The following GRIA4 variants were observed in gnomAD, a reference collection of about 807,000 sequenced individuals.
GRIA4 encodes the protein glutamate ionotropic receptor AMPA type subunit 4, also known as glutamate receptor 4.
Under a neutral mutation model 104.0 loss-of-function variants are expected in GRIA4, and 34 were observed. That is an observed-to-expected ratio of 0.33 (90% confidence interval 0.25 to 0.44). The LOEUF is 0.44. GRIA4 is among the 20% of genes least tolerant of loss of function. The pLI is 1.00. For synonymous variants in GRIA4, 386 were observed against 381.9 expected (o/e 1.01, Z -0.13); for missense variants, 750 against 1,096.5 (o/e 0.68, Z 4.46).
At chr11:105,616,853 T>C (rs983480939) in intron 3 of GRIA4, among the ~76,000 whole-genome samples, 1 of 151,722 alleles carries the variant, frequency 6.6e-6, no homozygotes, top group Non-Finnish European at 1.5e-5. Flanking sequence ...TGATTTCAGA[T>C]AATTCTTTAG....
At chr11:105,942,957 G>A (rs1469950447) in intron 14 of GRIA4, among the ~76,000 whole-genome samples, 1 of 152,070 alleles carries the variant, frequency 6.6e-6, no homozygotes, top group African/African-American at 2.4e-5. Context: ...CACATCTCCT[G>A]GACAGGAAAC....
chr11:105,742,937 A>G (rs1013340879), intron 3 of GRIA4, among the ~76,000 whole-genome samples: 2 of 151,954 alleles, frequency 1.3e-5, no homozygotes, highest in African/African-American at 4.8e-5. Flanking sequence ...GGGTTTCATC[A>G]TGTTGGCCAG....
chr11:105,957,389 T>C (rs1948618595), intron 14 of GRIA4, among the ~76,000 whole-genome samples: 1 of 152,234 alleles, frequency 6.6e-6, no homozygotes, highest in African/African-American at 2.4e-5. Context: ...ATTGCTTGTT[T>C]TTGTCAGGTT....
intron 4 of GRIA4, among the ~76,000 whole-genome samples, chr11:105,807,114 A>G (rs1189330291): frequency 6.6e-6 from 1 of 151,818 alleles, no homozygotes; most frequent in Admixed American, 6.6e-5. Flanking sequence ...GCTCAAAACA[A>G]CAAATGAGGG....
intron 3 of GRIA4, among the ~76,000 whole-genome samples, chr11:105,657,969 T>C (rs1951893208): frequency 6.6e-6 from 1 of 151,832 alleles, no homozygotes. Context: ...TTATATTTTA[T>C]TATACCTTTT....
chr11:105,942,035 A>G (rs1169413430), intron 14 of GRIA4, among the ~76,000 whole-genome samples: 1 of 152,116 alleles, frequency 6.6e-6, no homozygotes, highest in African/African-American at 2.4e-5. Flanking sequence ...AAGTATACCT[A>G]TTTTGCATTG....
chr11:105,626,096 A>C (rs1281157521), intron 3 of GRIA4, among the ~76,000 whole-genome samples: 1 of 152,138 alleles, frequency 6.6e-6, no homozygotes, highest in Non-Finnish European at 1.5e-5. Context: ...GGGCAGTTAC[A>C]TGTGGATTCT....
At chr11:105,635,083 T>A (rs1177001156) in intron 3 of GRIA4, among the ~76,000 whole-genome samples, 1 of 152,190 alleles carries the variant, frequency 6.6e-6, no homozygotes, top group African/African-American at 2.4e-5. Context: ...GGTAAGTGTA[T>A]TGACAGTTAA....
At chr11:105,750,063 T>C (rs184160223) in intron 3 of GRIA4, among the ~76,000 whole-genome samples, 1 of 152,308 alleles carries the variant, frequency 6.6e-6, no homozygotes, top group African/African-American at 2.4e-5. Context: ...TAAGACATTT[T>C]ATTGTTTGAA....
At chr11:105,886,095 C>A (rs954794422) in intron 5 of GRIA4, among the ~76,000 whole-genome samples, 1 of 152,110 alleles carries the variant, frequency 6.6e-6, no homozygotes, top group African/African-American at 2.4e-5. Context: ...GCAATCAAAA[C>A]AAAAACATAA....
chr11:105,854,076 C>T (rs932454785), intron 4 of GRIA4, among the ~76,000 whole-genome samples: 2 of 152,110 alleles, frequency 1.3e-5, no homozygotes, highest in Non-Finnish European at 2.9e-5. Flanking sequence ...CTTTTAGATG[C>T]CAAGTCTTCT....
At chr11:105,874,434 GT>G (rs1182864518) in intron 5 of GRIA4, among the ~76,000 whole-genome samples, 1 of 152,160 alleles carries the variant, frequency 6.6e-6, no homozygotes, top group African/African-American at 2.4e-5. Context: ...ATTTAAAGTA[GT>G]TTTTTCTAAC....
chr11:105,849,796 C>T (rs538507284), intron 4 of GRIA4, among the ~76,000 whole-genome samples: 1 of 152,158 alleles, frequency 6.6e-6, no homozygotes, highest in African/African-American at 2.4e-5. Context: ...ATATCTCAAA[C>T]TTTACAGTCA....
intron 3 of GRIA4, among the ~76,000 whole-genome samples, chr11:105,696,915 C>T (rs907785216): frequency 1.3e-5 from 2 of 152,022 alleles, no homozygotes; most frequent in African/African-American, 4.8e-5. Flanking sequence ...TAGGCACGTG[C>T]CACCACCCCA....
rs1945248365 is a variant in GRIA4, at chr11:105,862,137, C to T, written c.601C>T (p.Leu201Phe). 3 of 1,606,864 alleles carry T rather than the reference C, an allele frequency of 1.9e-6. No homozygotes were observed. Among genetic ancestry groups the T allele is most frequent in the Non-Finnish European group, 2.6e-6 (3 of 1,173,518 alleles). Residue 201 changes from leucine (L) to phenylalanine (F), a missense_variant, in exon 5 of 17, where the codon CTT (leucine) becomes TTT (phenylalanine). Physicochemically the swap from Leu to Phe is conservative, Grantham distance 22. Around this residue, in one of 3 missense-constraint regions of GRIA4, gnomAD observed 410 missense variants for 502.7 expected, o/e 0.82. Coordinates refer to ENST00000282499, the MANE Select transcript of GRIA4 (RefSeq NM_000829.4). ...CAGCTATAGGCAACTTCTAGAAGAA[C>T]TTGACAGAAGACAAGAGAAGAAGTT... Reference protein sequence around the residue: ...DVSYRQLLEELDRRQEKKFVI... With the variant: ...DVSYRQLLEEFDRRQEKKFVI...
intron 4 of GRIA4, among the ~76,000 whole-genome samples, chr11:105,775,841 A>G (rs978949194): frequency 6.6e-6 from 1 of 151,988 alleles, no homozygotes; most frequent in African/African-American, 2.4e-5. Context: ...CTCAAATATC[A>G]TCAATGGTGA....
intron 3 of GRIA4, among the ~76,000 whole-genome samples, chr11:105,617,730 T>C (rs971311415): frequency 6.6e-6 from 1 of 152,020 alleles, no homozygotes; most frequent in Non-Finnish European, 1.5e-5. Flanking sequence ...TCATCAAACA[T>C]GTTTATCAAG....
At chr11:105,800,489 AC>A (rs1942675314) in intron 4 of GRIA4, among the ~76,000 whole-genome samples, 3 of 152,164 alleles carry the variant, frequency 2.0e-5, no homozygotes, top group Non-Finnish European at 4.4e-5. Flanking sequence ...CTCAGTCTAG[AC>A]TTTTCAAATT....
At chr11:105,794,656 A>G (rs1313968511) in intron 4 of GRIA4, among the ~76,000 whole-genome samples, 2 of 149,738 alleles carry the variant, frequency 1.3e-5, no homozygotes, top group Admixed American at 6.7e-5. Context: ...TTATATGGCT[A>G]TGTAGTAATA....
Sources: allele counts gnomAD v4.1 joint callset (sites outside exome capture counted in the v4.1 genomes callset), GRCh38; gene constraint gnomAD v4.1.1; regional missense constraint gnomAD v4.1.1; transcripts MANE v1.5; gene names NCBI Gene and HGNC (gene_info 2026-07-23, HGNC 2026-07-21).